Variants in DPP6 observed in about 807,000 individuals in gnomAD.
The protein encoded by DPP6 is A-type potassium channel modulatory protein DPP6.
DPP6 carries 69 observed loss-of-function variants against 122.6 expected under a neutral mutation model. That is an observed-to-expected ratio of 0.56 (90% CI 0.46 to 0.69). DPP6 has a LOEUF of 0.69. Ranked by LOEUF, DPP6 falls within the 30% of genes least tolerant of loss-of-function variation. The probability of loss-of-function intolerance (pLI) is 0.00; values close to 1 mark genes in which losing one functional copy is unlikely to be tolerated. For synonymous variants in DPP6, 418 were observed against 433.1 expected (o/e 0.97, Z 0.43); for missense variants, 928 against 1,116.9 (o/e 0.83, Z 2.41).
At chr7:154,408,768 G>GTT (rs201284135) in intron 1 of DPP6, among the ~76,000 whole-genome samples, 16 of 142,070 alleles carry the variant, frequency 1.1e-4, no homozygotes, top group Admixed American at 7.7e-4. Flanking sequence ...GTCTTCCCCT[G>GTT]TTTTTTTTTT....
At chr7:154,376,682 C>T (rs1813155847) in intron 1 of DPP6, among the ~76,000 whole-genome samples, 2 of 152,180 alleles carry the variant, frequency 1.3e-5, no homozygotes, top group South Asian at 2.1e-4. Flanking sequence ...AGGTATCCAG[C>T]AGTAGTTCTG....
At chr7:153,887,565 C>A in exon 1 of DPP6, 14 of 1,169,678 alleles carry the variant, frequency 1.2e-5, no homozygotes, top group Admixed American at 2.2e-5. Context: ...ATTTTTTTTT[C>A]CTTCAAAAAC....
intron 5 of DPP6, among the ~76,000 whole-genome samples, chr7:154,586,723 T>C (rs66541895): frequency 0.16 from 23,938 of 152,154 alleles, 2,030 homozygotes; most frequent in Middle Eastern, 0.21. Flanking sequence ...GAGTCCTGAG[T>C]GGCTTTGCTC....
At chr7:154,345,062 A>G (rs1320941463) in intron 1 of DPP6, among the ~76,000 whole-genome samples, 1 of 152,214 alleles carries the variant, frequency 6.6e-6, no homozygotes, top group Non-Finnish European at 1.5e-5. Context: ...ATACCAAGAT[A>G]CCATAGACTA....
At chr7:154,522,978 C>T (rs73483807) in intron 3 of DPP6, among the ~76,000 whole-genome samples, 2,785 of 152,234 alleles carry the variant, frequency 0.018, 80 homozygotes, top group African/African-American at 0.064. Flanking sequence ...ACCTCTGGGG[C>T]GGGGATCGCC....
At chr7:154,372,406 C>T (rs972628104) in intron 1 of DPP6, among the ~76,000 whole-genome samples, 1 of 152,276 alleles carries the variant, frequency 6.6e-6, no homozygotes, top group East Asian at 1.9e-4. Flanking sequence ...CTCCCCTGCC[C>T]CACCATGAGT....
intron 12 of DPP6, 162 bp downstream of exon 12, chr7:154,796,045 C>T (rs1355811227): frequency 7.7e-6 from 9 of 1,172,196 alleles, no homozygotes; most frequent in South Asian, 5.7e-5. Flanking sequence ...CGGTGCCTCC[C>T]GTTCTCCAGG....
intron 1 of DPP6, among the ~76,000 whole-genome samples, chr7:154,128,841 C>T (rs1239981156): frequency 4.7e-5 from 7 of 149,302 alleles, no homozygotes; most frequent in African/African-American, 1.7e-4. Context: ...CTCCCTGACC[C>T]TGGGAGGTAT....
chr7:154,571,103 T>C (rs1831083076), intron 5 of DPP6, among the ~76,000 whole-genome samples: 1 of 152,240 alleles, frequency 6.6e-6, no homozygotes, highest in African/African-American at 2.4e-5. Flanking sequence ...AGTGTACACT[T>C]CCTGAATATT....
At chr7:154,034,367 G>T (rs1799412331) in intron 1 of DPP6, among the ~76,000 whole-genome samples, 1 of 152,188 alleles carries the variant, frequency 6.6e-6, no homozygotes, top group Non-Finnish European at 1.5e-5. Context: ...GCCTGTTCAA[G>T]TTCACACAGA....
intron 1 of DPP6, among the ~76,000 whole-genome samples, chr7:154,065,731 T>C (rs1357399821): frequency 1.3e-5 from 2 of 152,174 alleles, no homozygotes; most frequent in African/African-American, 4.8e-5. Context: ...TGGAGAAGCC[T>C]GAGTCCTGTG....
chr7:153,974,075 A>G (rs1456062504), intron 1 of DPP6, among the ~76,000 whole-genome samples: 1 of 152,110 alleles, frequency 6.6e-6, no homozygotes, highest in Non-Finnish European at 1.5e-5. Flanking sequence ...AGGATCGGGC[A>G]CATTGGAGCC....
At chr7:154,501,471 A>C (rs1279963623) in intron 3 of DPP6, among the ~76,000 whole-genome samples, 2 of 152,140 alleles carry the variant, frequency 1.3e-5, no homozygotes, top group Non-Finnish European at 2.9e-5. Flanking sequence ...TGTGCAGCCT[A>C]GGGACTTGGT....
At chr7:154,545,088 T>TA (rs1290123631) in intron 4 of DPP6, among the ~76,000 whole-genome samples, 1 of 152,170 alleles carries the variant, frequency 6.6e-6, no homozygotes, top group Non-Finnish European at 1.5e-5. Context: ...TAAACATCAA[T>TA]AAAAAATCAA....
intron 8 of DPP6, among the ~76,000 whole-genome samples, chr7:154,746,326 C>T (rs530976624): frequency 2.4e-4 from 36 of 152,156 alleles, no homozygotes; most frequent in Non-Finnish European, 4.0e-4. Context: ...AAAGCCCTGC[C>T]ATATAAGAAG....
Position 154,431,466 on chromosome 7 carries a change from CTTTTCTTTT to C in DPP6, c.244-14747_244-14739del, listed in dbSNP as rs1818383778. The stretch of plus-strand genomic sequence containing the variant: ...CCTTTCTTTTCTTTTCTTTTCTTTT[CTTTTCTTTT>C]CTTTTCTTTTCTTTTCTTTTCTTTT... On this transcript the variant is annotated intron_variant, in intron 1 of 25. Coordinates refer to ENST00000377770, the MANE Select transcript of DPP6 (RefSeq NM_130797.4). Among the ~76,000 whole-genome samples, 6 of 13,696 alleles carry C rather than the reference CTTTTCTTTT, an allele frequency of 4.4e-4. No homozygotes were observed. In the Admixed American group the frequency reaches 4.5e-3, roughly 10 times the overall value. 9.0% of individuals were successfully genotyped at this position (13,696 alleles called of 152,430 possible). A position where few individuals can be genotyped will look rare whatever the true frequency, so the allele number is the denominator to read the frequency against.
chr7:154,712,659 A>G (rs6971290), intron 7 of DPP6, among the ~76,000 whole-genome samples: 114,929 of 152,144 alleles, frequency 0.76, 45,485 homozygotes, highest in Non-Finnish European at 0.88. Flanking sequence ...CCCTTAGAAA[A>G]CCATCAGATC....
chr7:154,823,834 C>A (rs73502139), intron 16 of DPP6, among the ~76,000 whole-genome samples: 10,786 of 152,236 alleles, frequency 0.071, 417 homozygotes, highest in South Asian at 0.14. Context: ...ATTGCAGCAC[C>A]CAGGCAGATC....
intron 3 of DPP6, 26 bp from the exon 4 acceptor site, chr7:154,540,506 G>T (rs1554581228): frequency 5.5e-6 from 8 of 1,453,524 alleles, no homozygotes; most frequent in East Asian, 2.3e-5. Flanking sequence ...GTTTCATGTG[G>T]TTTTTTTCTA....
Sources: gnomAD v4.1 joint callset for allele counts (sites outside exome capture counted in the v4.1 genomes callset) on GRCh38, gnomAD v4.1.1 for gene constraint, MANE v1.5 for transcripts, NCBI Gene and HGNC (gene_info 2026-07-23, HGNC 2026-07-21) for gene names.